SYT9: variants seen among roughly 807,000 people sequenced by gnomAD.
The protein encoded by SYT9 is synaptotagmin-9.
Under a neutral mutation model 48.4 loss-of-function variants are expected in SYT9, and 22 were observed. The ratio of observed to expected loss-of-function variants is 0.45; its 90% confidence interval spans 0.32 to 0.65. SYT9 has a LOEUF of 0.65. Ranked by LOEUF, SYT9 falls within the 30% of genes least tolerant of loss-of-function variation. SYT9 has a pLI of 0.03. For missense variants in SYT9, 577 were observed against 622.0 expected (o/e 0.93, Z 0.77); for synonymous variants, 265 against 245.0 (o/e 1.08, Z -0.76).
chr11:7,276,773 C>T (rs1333449479), intron 1 of SYT9, among the ~76,000 whole-genome samples: 1 of 152,158 alleles, frequency 6.6e-6, no homozygotes, highest in Non-Finnish European at 1.5e-5. Context: ...GCCAGCCAGG[C>T]ACAGTGGCAC....
intron 6 of SYT9, among the ~76,000 whole-genome samples, chr11:7,426,961 T>A (rs1202254150): frequency 1.3e-5 from 2 of 152,220 alleles, no homozygotes; most frequent in African/African-American, 4.8e-5. Context: ...GACTAGCTGA[T>A]CATTTACCTT....
intron 3 of SYT9, among the ~76,000 whole-genome samples, chr11:7,370,021 A>G (rs7946397): frequency 0.72 from 109,571 of 151,868 alleles, 40,247 homozygotes; most frequent in East Asian, 0.87. Context: ...ACACGGCACC[A>G]TATTTTTAGT....
At chr11:7,361,976 A>G (rs368796376) in intron 3 of SYT9, among the ~76,000 whole-genome samples, 20 of 152,144 alleles carry the variant, frequency 1.3e-4, no homozygotes, top group South Asian at 8.3e-4. Context: ...GGCATTACAC[A>G]TAAGAAGGTG....
At chr11:7,382,319 T>A (rs1369702795) in intron 3 of SYT9, among the ~76,000 whole-genome samples, 2 of 152,080 alleles carry the variant, frequency 1.3e-5, no homozygotes, top group Non-Finnish European at 2.9e-5. Flanking sequence ...TCTAGATATT[T>A]TTGGAAGTAT....
At chr11:7,321,031 CTCTT>C (rs1268317488) in intron 3 of SYT9, among the ~76,000 whole-genome samples, 1 of 152,084 alleles carries the variant, frequency 6.6e-6, no homozygotes, top group Admixed American at 6.5e-5. Flanking sequence ...CTTCAGGAAT[CTCTT>C]TCTTGGTGGT....
intron 3 of SYT9, among the ~76,000 whole-genome samples, chr11:7,380,461 G>A (rs1589984971): frequency 6.6e-6 from 1 of 151,968 alleles, no homozygotes; most frequent in Admixed American, 6.6e-5. Flanking sequence ...AGGATAAGGG[G>A]ATGGATACCT....
At position 7,354,157 on chromosome 11, in the gene SYT9, A is replaced by C. The variant is rs549050961; in HGVS notation, c.1044+40216A>C. 2.6e-5 allele frequency among the ~76,000 whole-genome samples: 4 copies of C among 152,278 alleles called. No individual in the cohort carries two copies. The South Asian group carries it at 8.3e-4, about 32-fold the overall frequency. On this transcript the variant is annotated intron_variant, in intron 3 of 6. Transcript: ENST00000318881. ...ACTTTATTTTATTTTTAAAATAACA[A>C]ACTTCAGAGCACCACATTGCACACC...
chr11:7,331,801 C>T (rs1215925608), intron 3 of SYT9, among the ~76,000 whole-genome samples: 1 of 152,190 alleles, frequency 6.6e-6, no homozygotes, highest in African/African-American at 2.4e-5. Context: ...TGAGATGCTT[C>T]TTGTGTGCTC....
chr11:7,300,101 A>G (rs1342776207), intron 1 of SYT9, among the ~76,000 whole-genome samples: 2 of 151,850 alleles, frequency 1.3e-5, no homozygotes, highest in East Asian at 3.9e-4. Context: ...AGTAAATTAT[A>G]TGATCACACA....
intron 3 of SYT9, among the ~76,000 whole-genome samples, chr11:7,401,316 T>C (rs1219365230): frequency 6.6e-6 from 1 of 150,602 alleles, no homozygotes; most frequent in Non-Finnish European, 1.5e-5. Flanking sequence ...TGTATATATA[T>C]AATACATATA....
At position 7,428,953 on chromosome 11, in the gene SYT9, T is replaced by C. The variant is rs12223140; in HGVS notation, c.1467+8318T>C. On this transcript the variant is annotated intron_variant, in intron 6 of 6. Transcript: ENST00000318881. ...GTCCCATGAGTGAATACTTAAGTTGTAGTAATGAAGACAATAGAATAGTAC... is the reference window on the plus strand; with the variant it reads ...GTCCCATGAGTGAATACTTAAGTTGCAGTAATGAAGACAATAGAATAGTAC... Among the ~76,000 whole-genome samples the C allele has an allele frequency of 2.6e-3, 394 of 152,246 alleles. 16 individuals are homozygous for C. In the East Asian group the frequency reaches 0.061, roughly 24 times the overall value.
intron 3 of SYT9, among the ~76,000 whole-genome samples, chr11:7,317,810 T>G (rs921155928): frequency 6.6e-6 from 1 of 152,260 alleles, no homozygotes; most frequent in African/African-American, 2.4e-5. Flanking sequence ...TTCTATCCAC[T>G]GGGATGTTTA....
At chr11:7,351,647 G>A (rs1359198834) in intron 3 of SYT9, among the ~76,000 whole-genome samples, 1 of 152,196 alleles carries the variant, frequency 6.6e-6, no homozygotes, top group Admixed American at 6.5e-5. Flanking sequence ...CATCGATTCT[G>A]AAGATGGAAG....
At chr11:7,299,147 G>A (rs954859185) in intron 1 of SYT9, among the ~76,000 whole-genome samples, 6 of 152,088 alleles carry the variant, frequency 3.9e-5, no homozygotes, top group Admixed American at 2.6e-4. Context: ...ATGAACACAT[G>A]TAAAAATTAA....
At chr11:7,459,827 G>C (rs4509735) in intron 6 of SYT9, among the ~76,000 whole-genome samples, 36,405 of 151,954 alleles carry the variant, frequency 0.24, 6,000 homozygotes, top group African/African-American at 0.47. Context: ...AGCTATAAGC[G>C]AAGGATTGCT....
chr11:7,392,194 A>G lies in SYT9; in HGVS notation c.1045-23848A>G, dbSNP rs189290943. 2.6e-3 allele frequency among the ~76,000 whole-genome samples: 398 copies of G among 152,214 alleles called. 4 individuals carry two copies. Among genetic ancestry groups the G allele is most frequent in the African/African-American group, 9.1e-3 (377 of 41,556 alleles). ...ACATTATTTGCTTAGGCTGATATCC[A>G]CAATGGTATTTCCTAAGTTTTCTTC... On this transcript the variant is annotated intron_variant, in intron 3 of 6. Transcript: ENST00000318881.
At chr11:7,412,830 G>T (rs769286189) in intron 3 of SYT9, among the ~76,000 whole-genome samples, 1 of 152,160 alleles carries the variant, frequency 6.6e-6, no homozygotes, top group Non-Finnish European at 1.5e-5. Flanking sequence ...CATGGTGCTT[G>T]CAAGTGAGTG....
chr11:7,288,961 G>T (rs1170463374), intron 1 of SYT9, among the ~76,000 whole-genome samples: 1 of 152,232 alleles, frequency 6.6e-6, no homozygotes, highest in Non-Finnish European at 1.5e-5. Context: ...TCATGGCAAT[G>T]CTGCTTGGAC....
chr11:7,273,322 G>A (rs1564843279), intron 1 of SYT9, among the ~76,000 whole-genome samples: 1 of 82,136 alleles, frequency 1.2e-5, no homozygotes, highest in Non-Finnish European at 2.8e-5. Flanking sequence ...CTATACTGAG[G>A]TTTTTTTCTT....
Sources: gnomAD v4.1 joint callset for allele counts (sites outside exome capture counted in the v4.1 genomes callset) on GRCh38, gnomAD v4.1.1 for gene constraint, MANE v1.5 for transcripts, NCBI Gene and HGNC (gene_info 2026-07-23, HGNC 2026-07-21) for gene names.